VAPB: variants seen among roughly 807,000 people sequenced by gnomAD.
The protein encoded by VAPB is VAMP associated protein B and C.
In VAPB, 7 loss-of-function variants were observed where a neutral mutation model predicts 25.6. That is an observed-to-expected ratio of 0.27 (90% CI 0.16 to 0.51). The LOEUF is 0.51. Among genes scored for constraint, VAPB ranks in the 20% least tolerant of loss-of-function variants. The probability of loss-of-function intolerance (pLI) is 0.97; values close to 1 mark genes in which losing one functional copy is unlikely to be tolerated. For missense variants in VAPB, 266 were observed against 301.3 expected, an observed-to-expected ratio of 0.88 and a Z score of 0.87; for synonymous variants, 112 against 109.2, an observed-to-expected ratio of 1.03 and a Z score of -0.16.
intron 1 of VAPB, among the ~76,000 whole-genome samples, chr20:58,415,141 C>T (rs1343869685): frequency 1.3e-5 from 2 of 152,254 alleles, no homozygotes; most frequent in Non-Finnish European, 1.5e-5. Flanking sequence ...AATTCTAGCC[C>T]CTCTTACTGT....
intron 2 of VAPB, among the ~76,000 whole-genome samples, chr20:58,420,973 T>C (rs1988654777): frequency 6.6e-6 from 1 of 152,060 alleles, no homozygotes; most frequent in African/African-American, 2.4e-5. Flanking sequence ...GTCACTAGAG[T>C]CCTCAGGAGG....
At chr20:58,418,553 T>TCA (rs1239598401) in intron 2 of VAPB, among the ~76,000 whole-genome samples, 190 bp downstream of exon 2, 9 of 135,620 alleles carry the variant, frequency 6.6e-5, no homozygotes, top group African/African-American at 2.5e-4. Context: ...AGTCGCCTGT[T>TCA]TTTTTCATAA....
At chr20:58,391,246 T>G (rs1987788007) in intron 1 of VAPB, among the ~76,000 whole-genome samples, 1 of 152,152 alleles carries the variant, frequency 6.6e-6, no homozygotes, top group South Asian at 2.1e-4. Context: ...AGAAGCCAAG[T>G]TATATCAGCT....
Position 58,450,840 on chromosome 20 carries a change from G to C in VAPB, c.*6605G>C, listed in dbSNP as rs1428709117. 2.2e-6 allele frequency: 1 copy of C among 454,110 alleles called. No individual in the cohort carries two copies. Among genetic ancestry groups the C allele is most frequent in the South Asian group, 1.6e-5 (1 of 64,478 alleles). The allele number at this position is 454,110 out of a possible 1,614,324, so 28.1% of individuals were successfully genotyped here. A position where few individuals can be genotyped will look rare whatever the true frequency, so the allele number is the denominator to read the frequency against. ...TTTTGACATGGAAGTAATTTAAAAA[G>C]TTGGTGCAGGAAAGGACTCTTTACT... On this transcript the variant is annotated 3_prime_UTR_variant, in exon 6 of 6. Transcript: ENST00000475243.
intron 1 of VAPB, among the ~76,000 whole-genome samples, chr20:58,405,030 TGTG>T (rs1196549268): frequency 1.3e-5 from 2 of 151,826 alleles, no homozygotes; most frequent in East Asian, 1.9e-4. Context: ...ATATATATGA[TGTG>T]GTGTCAGGCA....
chr20:58,423,445 A>AAAAAAAAAAAAG (rs1988717111), intron 2 of VAPB, among the ~76,000 whole-genome samples: 1 of 143,906 alleles, frequency 6.9e-6, no homozygotes, highest in Admixed American at 7.0e-5. Flanking sequence ...AAAAAAAAAA[A>AAAAAAAAAAAAG]AAAAGAAAAG....
At chr20:58,394,170 T>C (rs1435633143) in intron 1 of VAPB, among the ~76,000 whole-genome samples, 1 of 152,250 alleles carries the variant, frequency 6.6e-6, no homozygotes, top group Non-Finnish European at 1.5e-5. Context: ...ATCAGTGTAG[T>C]TGAGTACCAC....
intron 1 of VAPB, among the ~76,000 whole-genome samples, chr20:58,408,909 CCCCCCACTCCAT>C (rs1988305628): frequency 6.8e-6 from 1 of 146,624 alleles, no homozygotes; most frequent in African/African-American, 2.5e-5. Context: ...CCCCACCCCG[CCCCCCACTCCAT>C]GTGGAAACAG....
intron 1 of VAPB, among the ~76,000 whole-genome samples, chr20:58,394,934 C>T (rs893392711): frequency 6.6e-6 from 1 of 152,186 alleles, no homozygotes; most frequent in East Asian, 1.9e-4. Flanking sequence ...AACGTTAACA[C>T]TATCTTGTAT....
chr20:58,416,998 T>A (rs1988554871), intron 1 of VAPB, among the ~76,000 whole-genome samples: 1 of 152,260 alleles, frequency 6.6e-6, no homozygotes, highest in Non-Finnish European at 1.5e-5. Context: ...TTTGAATGAT[T>A]TTGTTGAGTC....
At chr20:58,391,265 C>T (rs1987789072) in intron 1 of VAPB, among the ~76,000 whole-genome samples, 1 of 152,160 alleles carries the variant, frequency 6.6e-6, no homozygotes, top group Admixed American at 6.5e-5. Context: ...CTGTACTCTC[C>T]TATTTTCCCT....
At chr20:58,405,528 T>TCTCA in intron 1 of VAPB, among the ~76,000 whole-genome samples, 1 of 152,010 alleles carries the variant, frequency 6.6e-6, no homozygotes. Flanking sequence ...AGTGGCGCGA[T>TCTCA]CTCGGTTCAC....
At chr20:58,389,656 G>A (rs1429341088) in intron 1 of VAPB, 139 bp downstream of exon 1, 29 of 919,494 alleles carry the variant, frequency 3.2e-5, no homozygotes, top group Non-Finnish European at 4.0e-5. Flanking sequence ...GGCCGGGCCG[G>A]GCCTTGGCGC....
intron 3 of VAPB, among the ~76,000 whole-genome samples, chr20:58,434,921 C>A (rs1012921407): frequency 2.0e-5 from 3 of 151,962 alleles, no homozygotes; most frequent in Non-Finnish European, 4.4e-5. Flanking sequence ...GAAGGCTGTT[C>A]TTTTCTGACT....
intron 1 of VAPB, among the ~76,000 whole-genome samples, chr20:58,404,349 C>T (rs918167934): frequency 6.6e-6 from 1 of 152,130 alleles, no homozygotes; most frequent in Non-Finnish European, 1.5e-5. Context: ...CCCCCAGAAG[C>T]CCCTTATAGC....
intron 2 of VAPB, among the ~76,000 whole-genome samples, chr20:58,424,500 A>T (rs1988743860): frequency 6.6e-6 from 1 of 152,140 alleles, no homozygotes; most frequent in East Asian, 1.9e-4. Flanking sequence ...GCCCCAAGAG[A>T]CACAGCTTGC....
chr20:58,430,022 A>G (rs1389657603), intron 2 of VAPB, among the ~76,000 whole-genome samples: 1 of 151,664 alleles, frequency 6.6e-6, no homozygotes, highest in African/African-American at 2.4e-5. Flanking sequence ...AGCCTGGACA[A>G]CATAGCAAGA....
intron 1 of VAPB, among the ~76,000 whole-genome samples, chr20:58,412,499 C>A (rs1364908877): frequency 7.1e-6 from 1 of 141,034 alleles, no homozygotes; most frequent in African/African-American, 2.7e-5. Flanking sequence ...ATCGCTTGAA[C>A]CTGGGAGGTG....
At position 58,446,556 on chromosome 20, in the gene VAPB, A is replaced by G; in HGVS notation, c.*2321A>G. ...TCTTAAAAAGAATATCTGAGAAACT[A>G]CTCTGTTTTAGACCTTTGAAGGTGA... On this transcript the variant is annotated 3_prime_UTR_variant, in exon 6 of 6. Coordinates refer to ENST00000475243, the MANE Select transcript of VAPB (RefSeq NM_004738.5). The G allele has an allele frequency of 2.2e-6, 1 of 453,882 alleles. No individual in the cohort carries two copies. Among genetic ancestry groups the G allele is most frequent in the South Asian group, 1.6e-5 (1 of 64,456 alleles). 28.1% of individuals were successfully genotyped at this position (453,882 alleles called of 1,614,324 possible).
Sources: gnomAD v4.1 joint callset for allele counts (sites outside exome capture counted in the v4.1 genomes callset) on GRCh38, gnomAD v4.1.1 for gene constraint, MANE v1.5 for transcripts, NCBI Gene and HGNC (gene_info 2026-07-23, HGNC 2026-07-21) for gene names.